Variants in EXOC4 observed in about 807,000 individuals in gnomAD.
The protein encoded by EXOC4 is SEC8-like 1.
A neutral mutation model predicts 107.2 loss-of-function variants in EXOC4; 71 were observed. The ratio of observed to expected loss-of-function variants is 0.66; its 90% CI spans 0.55 to 0.81. EXOC4 has a LOEUF of 0.81. Ranked by LOEUF, EXOC4 falls within the 30% of genes least tolerant of loss-of-function variation. The probability of loss-of-function intolerance (pLI) is 0.00; values close to 1 mark genes in which losing one functional copy is unlikely to be tolerated. For synonymous variants in EXOC4, 456 were observed against 441.2 expected, an observed-to-expected ratio of 1.03 and a Z score of -0.42; for missense variants, 1,108 against 1,189.6, an observed-to-expected ratio of 0.93 and a Z score of 1.01.
At chr7:133,292,395 T>G (rs1794427876) in intron 3 of EXOC4, among the ~76,000 whole-genome samples, 1 of 152,246 alleles carries the variant, frequency 6.6e-6, no homozygotes, top group Admixed American at 6.5e-5. Context: ...TAGCAATATA[T>G]ATAGTCCTTA....
At chr7:133,705,211 A>G (rs1464257841) in intron 10 of EXOC4, among the ~76,000 whole-genome samples, 5 of 152,102 alleles carry the variant, frequency 3.3e-5, no homozygotes, top group Admixed American at 2.0e-4. Context: ...TACTAAAAAT[A>G]CAAAAATTAG....
chr7:134,020,059 A>T (rs1794994587), intron 17 of EXOC4, among the ~76,000 whole-genome samples: 1 of 152,170 alleles, frequency 6.6e-6, no homozygotes, highest in South Asian at 2.1e-4. Context: ...ACTCTCTCAG[A>T]ATCTCACCAC....
intron 12 of EXOC4, among the ~76,000 whole-genome samples, chr7:133,916,085 G>A (rs1181826210): frequency 2.0e-5 from 3 of 152,200 alleles, no homozygotes; most frequent in Non-Finnish European, 4.4e-5. Flanking sequence ...GATGTTTTGG[G>A]TGAGAAAAAG....
chr7:133,960,906 G>A (rs1003409985), intron 14 of EXOC4, among the ~76,000 whole-genome samples: 2 of 152,110 alleles, frequency 1.3e-5, no homozygotes, highest in East Asian at 1.9e-4. Context: ...TTAGGATATC[G>A]TCTCTAATCT....
At chr7:133,364,835 A>G (rs765955229) in intron 6 of EXOC4, among the ~76,000 whole-genome samples, 1 of 152,196 alleles carries the variant, frequency 6.6e-6, no homozygotes, top group Non-Finnish European at 1.5e-5. Flanking sequence ...ATTTACCCAG[A>G]GAAATGTGAA....
chr7:133,787,963 T>TATATA (rs1796616109), intron 10 of EXOC4, among the ~76,000 whole-genome samples: 5 of 40,964 alleles, frequency 1.2e-4, no homozygotes, highest in Admixed American at 3.9e-4. Flanking sequence ...ATTTATATAT[T>TATATA]TATATATATA....
intron 7 of EXOC4, among the ~76,000 whole-genome samples, chr7:133,451,941 A>C (rs183722201): frequency 1.3e-5 from 2 of 152,226 alleles, no homozygotes; most frequent in East Asian, 3.9e-4. Flanking sequence ...TACCTTTTTA[A>C]AAAAAATATT....
intron 10 of EXOC4, among the ~76,000 whole-genome samples, chr7:133,737,205 A>C (rs977305677): frequency 3.9e-5 from 6 of 152,104 alleles, no homozygotes; most frequent in African/African-American, 1.4e-4. Flanking sequence ...CACAGCCCCA[A>C]TCTTTTCACT....
At chr7:134,011,372 C>G (rs1794758762) in intron 17 of EXOC4, among the ~76,000 whole-genome samples, 1 of 152,144 alleles carries the variant, frequency 6.6e-6, no homozygotes, top group Non-Finnish European at 1.5e-5. Flanking sequence ...CCCAGTTCTC[C>G]CCTCTTTACC....
At chr7:133,799,973 G>T (rs1232191762) in intron 10 of EXOC4, among the ~76,000 whole-genome samples, 1 of 152,178 alleles carries the variant, frequency 6.6e-6, no homozygotes, top group Non-Finnish European at 1.5e-5. Flanking sequence ...GAGTCAGGTA[G>T]CTGTAGCTTT....
At chr7:133,380,901 T>C (rs1037649620) in intron 7 of EXOC4, among the ~76,000 whole-genome samples, 6 of 152,216 alleles carry the variant, frequency 3.9e-5, no homozygotes, top group African/African-American at 1.4e-4. Flanking sequence ...TTTTGTTTAA[T>C]TGCTCTGAGG....
intron 10 of EXOC4, among the ~76,000 whole-genome samples, chr7:133,693,896 G>A (rs1794474781): frequency 6.6e-6 from 1 of 152,080 alleles, no homozygotes; most frequent in African/African-American, 2.4e-5. Context: ...GTTGTGTAGG[G>A]GTGTTCAAGG....
At chr7:134,068,588 A>G (rs1245685388), downstream of EXOC4, among the ~76,000 whole-genome samples, 2 of 152,162 alleles carry the variant, frequency 1.3e-5, no homozygotes, top group Admixed American at 6.5e-5. Flanking sequence ...GGACTAATAT[A>G]GGGGCTGTAT....
At chr7:133,398,450 T>G (rs562329171) in intron 7 of EXOC4, among the ~76,000 whole-genome samples, 1 of 152,332 alleles carries the variant, frequency 6.6e-6, no homozygotes, top group South Asian at 2.1e-4. Flanking sequence ...GTATTTCAAT[T>G]CCTTTCAATC....
intron 7 of EXOC4, among the ~76,000 whole-genome samples, chr7:133,465,965 G>A (rs1798718574): frequency 6.6e-6 from 1 of 151,934 alleles, no homozygotes; most frequent in Admixed American, 6.6e-5. Flanking sequence ...GTGAAACCCT[G>A]TCCCTACTAA....
chr7:133,673,417 A>G (rs1186375296), intron 10 of EXOC4, among the ~76,000 whole-genome samples: 1 of 152,140 alleles, frequency 6.6e-6, no homozygotes, highest in Non-Finnish European at 1.5e-5. Flanking sequence ...TCAAGTGTTG[A>G]GAGTTAACCT....
intron 5 of EXOC4, among the ~76,000 whole-genome samples, chr7:133,326,100 G>A (rs1795233764): frequency 6.6e-6 from 1 of 152,110 alleles, no homozygotes; most frequent in Non-Finnish European, 1.5e-5. Flanking sequence ...GGTTATTCTA[G>A]TTAGCCATTC....
chr7:133,347,822 A>T (rs1584838469), intron 5 of EXOC4, among the ~76,000 whole-genome samples: 2 of 152,190 alleles, frequency 1.3e-5, no homozygotes, highest in South Asian at 4.1e-4. Flanking sequence ...AAGGGCATTA[A>T]AATCTTTTAA....
intron 10 of EXOC4, among the ~76,000 whole-genome samples, chr7:133,735,371 A>C (rs922554870): frequency 2.0e-5 from 3 of 151,386 alleles, no homozygotes; most frequent in African/African-American, 7.3e-5. Flanking sequence ...TAATCTTAGC[A>C]TATTGTTTAT....
Sources: allele counts gnomAD v4.1 joint callset (sites outside exome capture counted in the v4.1 genomes callset), GRCh38; gene constraint gnomAD v4.1.1; transcripts MANE v1.5; gene names NCBI Gene and HGNC (gene_info 2026-07-23, HGNC 2026-07-21).